The following ANKRD13A variants were observed in gnomAD, a reference collection of about 807,000 sequenced individuals.
The protein encoded by ANKRD13A is ankyrin repeat domain-containing protein 13A.
In ANKRD13A, 48 loss-of-function variants were observed where a neutral mutation model predicts 81.3. The ratio of observed to expected loss-of-function variants is 0.59; its 90% CI spans 0.47 to 0.75. The LOEUF is 0.75. Ranked by LOEUF, ANKRD13A falls within the 30% of genes least tolerant of loss-of-function variation. The pLI, the probability that ANKRD13A is intolerant of heterozygous loss-of-function variation, is 0.00. For synonymous variants in ANKRD13A, 230 were observed against 270.1 expected (o/e 0.85, Z 1.45); for missense variants, 612 against 734.0 (o/e 0.83, Z 1.92).
chr12:110,030,045 A>G (rs1293588870), intron 11 of ANKRD13A, among the ~76,000 whole-genome samples: 2 of 152,216 alleles, frequency 1.3e-5, no homozygotes, highest in Admixed American at 1.3e-4. Context: ...AATGCTATAT[A>G]TGTATATATC....
At chr12:110,028,730 C>G in intron 10 of ANKRD13A, 88 bp downstream of exon 10, 1 of 1,546,080 alleles carries the variant, frequency 6.5e-7, no homozygotes, top group East Asian at 2.3e-5. Context: ...ATTCCACTGC[C>G]CTCCCCACCA....
At chr12:109,999,347 C>G (rs1348797974), upstream of ANKRD13A, 1 of 158,036 alleles carries the variant, frequency 6.3e-6, no homozygotes, top group East Asian at 1.8e-4. This position sits in a 1 kb window ranked among gnomAD's most constrained non-coding sequence, Gnocchi z 4.3. Flanking sequence ...GACCCCGGAC[C>G]CGGTGCCCAA....
At chr12:110,006,905 T>C (rs891496923) in intron 1 of ANKRD13A, among the ~76,000 whole-genome samples, 1 of 152,210 alleles carries the variant, frequency 6.6e-6, no homozygotes, top group Non-Finnish European at 1.5e-5. Flanking sequence ...CAAAATTTTG[T>C]TCTTTTGCAT....
chr12:110,002,750 A>G (rs1004517709), intron 1 of ANKRD13A, among the ~76,000 whole-genome samples: 2 of 152,292 alleles, frequency 1.3e-5, no homozygotes, highest in Middle Eastern at 3.4e-3. Flanking sequence ...GACTTGGAGC[A>G]TGTATACTGA....
intron 7 of ANKRD13A, among the ~76,000 whole-genome samples, chr12:110,025,332 G>A (rs1237386785): frequency 6.6e-6 from 1 of 151,232 alleles, no homozygotes; most frequent in Non-Finnish European, 1.5e-5. Context: ...CTCCAGCCTG[G>A]GCAACAGAGG....
At chr12:110,011,869 T>C (rs1890541001) in intron 1 of ANKRD13A, 136 bp from the exon 2 acceptor site, 2 of 785,340 alleles carry the variant, frequency 2.5e-6, no homozygotes, top group African/African-American at 1.7e-5. Flanking sequence ...AATGCAAACA[T>C]ACCTTCTTAC....
intron 1 of ANKRD13A, among the ~76,000 whole-genome samples, chr12:110,006,923 T>G (rs1890271744): frequency 6.6e-6 from 1 of 152,328 alleles, no homozygotes; most frequent in South Asian, 2.1e-4. Context: ...CATGTAGATA[T>G]GCAGTTGTTC....
rs542774228 is a variant in ANKRD13A, at chr12:110,026,151, C to T, written c.883+328C>T. Among the ~76,000 whole-genome samples the T allele has an allele frequency of 2.0e-5, 3 of 151,800 alleles. No homozygotes were observed. In the East Asian group the frequency reaches 5.9e-4, roughly 30 times the overall value. On this transcript the variant is annotated intron_variant, in intron 8 of 14. Coordinates refer to ENST00000261739, the MANE Select transcript of ANKRD13A (RefSeq NM_033121.2). ...TAATTTTTTGTATTTTCAGTAGAGACGGGGTTTCACCATGTTGGCCAGGCT... is the reference window on the plus strand; with the variant it reads ...TAATTTTTTGTATTTTCAGTAGAGATGGGGTTTCACCATGTTGGCCAGGCT...
At chr12:110,029,206 G>T in intron 10 of ANKRD13A, 1 of 319,466 alleles carries the variant, frequency 3.1e-6, no homozygotes, top group African/African-American at 2.1e-5. Context: ...AAATGAAACT[G>T]TTCCACCCGC....
At chr12:110,035,879 C>T (rs1427452126) in intron 13 of ANKRD13A, among the ~76,000 whole-genome samples, 2 of 152,130 alleles carry the variant, frequency 1.3e-5, no homozygotes, top group Non-Finnish European at 2.9e-5. Flanking sequence ...CACATCACTA[C>T]CCTTGAGCCT....
intron 7 of ANKRD13A, 80 bp from the exon 8 acceptor site, chr12:110,025,662 C>T: frequency 9.6e-7 from 1 of 1,038,000 alleles, no homozygotes; most frequent in East Asian, 2.6e-5. Flanking sequence ...TTTTTTGCTT[C>T]AGCATTCTTG....
chr12:110,031,008 T>C (rs1193876826), intron 12 of ANKRD13A, among the ~76,000 whole-genome samples: 1 of 151,742 alleles, frequency 6.6e-6, no homozygotes, highest in Non-Finnish European at 1.5e-5. Context: ...GGCAGGAGAA[T>C]CGCTTGAACT....
At chr12:110,017,604 G>A (rs1415981913) in intron 4 of ANKRD13A, among the ~76,000 whole-genome samples, 2 of 152,092 alleles carry the variant, frequency 1.3e-5, no homozygotes, top group Non-Finnish European at 2.9e-5. Context: ...TTTTTCTAAT[G>A]CACATAGTCA....
At chr12:110,011,274 G>A (rs569927137) in intron 1 of ANKRD13A, among the ~76,000 whole-genome samples, 20 of 152,336 alleles carry the variant, frequency 1.3e-4, no homozygotes, top group Admixed American at 2.0e-4. Context: ...GTGCCAAAAG[G>A]GGGGCGAGAG....
In ANKRD13A at chr12:110,033,975, C is replaced by T. The variant is rs1891865477; in HGVS notation, c.1509+18C>T. ...GGAGCCAGGTGTGTTTATCAGAATA[C>T]TCTAATGGCAGGGCGTGGGAGGTCT... On this transcript the variant is annotated intron_variant, in intron 13 of 14. Transcript: ENST00000261739. 1 of 1,592,572 alleles carries T rather than the reference C, an allele frequency of 6.3e-7. No individual in the cohort carries two copies. The highest frequency in any genetic ancestry group is 1.8e-5 in the Admixed American group (1 of 57,034).
At chr12:110,029,060 T>C (rs1005914033) in intron 10 of ANKRD13A, 4 of 176,210 alleles carry the variant, frequency 2.3e-5, no homozygotes, top group Admixed American at 1.7e-4. Context: ...TTATAAAAAA[T>C]AATTTTAAAA....
chr12:110,027,077 C>A (rs1411159889), intron 8 of ANKRD13A: 1 of 152,262 alleles, frequency 6.6e-6, no homozygotes, highest in African/African-American at 2.4e-5. Context: ...GTGATTTAGT[C>A]CAAACTATTG....
At chr12:110,034,943 C>T (rs1031810867) in intron 13 of ANKRD13A, among the ~76,000 whole-genome samples, 1 of 152,256 alleles carries the variant, frequency 6.6e-6, no homozygotes, top group African/African-American at 2.4e-5. Flanking sequence ...ACAGTGCTCA[C>T]ACTCCAGCGT....
chr12:110,019,100 C>T (rs1890941186), intron 5 of ANKRD13A, 39 bp from the exon 6 acceptor site: 1 of 1,526,894 alleles, frequency 6.5e-7, no homozygotes, highest in Non-Finnish European at 8.8e-7. Flanking sequence ...TGCATCTTCC[C>T]TACTTTGCAC....
Sources: gnomAD v4.1 joint callset for allele counts (sites outside exome capture counted in the v4.1 genomes callset) on GRCh38, gnomAD v4.1.1 for gene constraint, Gnocchi (gnomAD v3.1) non-coding constraint, MANE v1.5 for transcripts, NCBI Gene and HGNC (gene_info 2026-07-23, HGNC 2026-07-21) for gene names.